TMEM132D: variants seen among roughly 807,000 people sequenced by gnomAD.
The protein encoded by TMEM132D is mature OL transmembrane protein.
TMEM132D carries 21 observed loss-of-function variants against 62.3 expected under a neutral mutation model. The ratio of observed to expected loss-of-function variants is 0.34; its 90% CI spans 0.24 to 0.49. The LOEUF (loss-of-function observed/expected upper bound fraction) is 0.49, where lower values mean the gene tolerates loss of function less well. TMEM132D is among the 20% of genes least tolerant of loss of function. The pLI, the probability that TMEM132D is intolerant of heterozygous loss-of-function variation, is 0.99. For missense variants in TMEM132D, 1,346 were observed against 1,402.8 expected, an observed-to-expected ratio of 0.96 and a Z score of 0.65; for synonymous variants, 621 against 575.6, an observed-to-expected ratio of 1.08 and a Z score of -1.13.
At chr12:129,501,698 G>A (rs1256240612) in intron 3 of TMEM132D, among the ~76,000 whole-genome samples, 1 of 151,878 alleles carries the variant, frequency 6.6e-6, no homozygotes, top group Non-Finnish European at 1.5e-5. Context: ...TAGAGATGGG[G>A]TTTTACCATG....
chr12:129,136,794 A>AT, intron 5 of TMEM132D, among the ~76,000 whole-genome samples: 1 of 95,820 alleles, frequency 1.0e-5, no homozygotes, highest in African/African-American at 4.6e-5. Flanking sequence ...CATCACCATC[A>AT]CCATCATCAC....
At chr12:129,513,923 C>T (rs534251364) in intron 3 of TMEM132D, among the ~76,000 whole-genome samples, 12 of 151,148 alleles carry the variant, frequency 7.9e-5, no homozygotes, top group East Asian at 3.9e-4. Flanking sequence ...CTGCAAGCTC[C>T]GCCTCCCGGG....
At chr12:129,619,867 T>G (rs155720) in intron 2 of TMEM132D, among the ~76,000 whole-genome samples, 1,994 of 152,326 alleles carry the variant, frequency 0.013, 50 homozygotes, top group African/African-American at 0.046. Flanking sequence ...ATTTTGCAAT[T>G]GAGTGTATTA....
At chr12:129,263,378 C>T (rs1475855320) in intron 4 of TMEM132D, among the ~76,000 whole-genome samples, 2 of 152,096 alleles carry the variant, frequency 1.3e-5, no homozygotes, top group Admixed American at 1.3e-4. Flanking sequence ...GCTTACTTCA[C>T]CAAATGCTAT....
chr12:129,648,138 C>T (rs547750833), intron 2 of TMEM132D, among the ~76,000 whole-genome samples: 22 of 152,226 alleles, frequency 1.4e-4, no homozygotes, highest in African/African-American at 4.6e-4. Flanking sequence ...CCTTCCCAAT[C>T]GCTCCTATGG....
At chr12:129,589,568 C>A (rs1235265977) in intron 2 of TMEM132D, among the ~76,000 whole-genome samples, 2 of 152,060 alleles carry the variant, frequency 1.3e-5, no homozygotes, top group Admixed American at 6.5e-5. Flanking sequence ...CCCGTGTAGA[C>A]CCCCACACAT....
chr12:129,106,886 G>A (rs1875519019), intron 5 of TMEM132D, among the ~76,000 whole-genome samples: 1 of 152,178 alleles, frequency 6.6e-6, no homozygotes, highest in Non-Finnish European at 1.5e-5. Flanking sequence ...TCACTGCATG[G>A]GGAATGCCTG....
At chr12:129,551,333 G>A (rs1876888874) in intron 2 of TMEM132D, among the ~76,000 whole-genome samples, 1 of 152,248 alleles carries the variant, frequency 6.6e-6, no homozygotes, top group South Asian at 2.1e-4. Flanking sequence ...GTTCTGAAGT[G>A]AAACTGGAAA....
At chr12:129,178,837 T>G (rs1877981950) in intron 5 of TMEM132D, among the ~76,000 whole-genome samples, 1 of 152,218 alleles carries the variant, frequency 6.6e-6, no homozygotes, top group Non-Finnish European at 1.5e-5. Flanking sequence ...CTGCACTCCT[T>G]GAACCTGGGT....
At chr12:129,158,048 G>T (rs1877295721) in intron 5 of TMEM132D, among the ~76,000 whole-genome samples, 1 of 152,258 alleles carries the variant, frequency 6.6e-6, no homozygotes, top group East Asian at 1.9e-4. Flanking sequence ...GGTAGGTGAG[G>T]TTTATATTTT....
intron 1 of TMEM132D, among the ~76,000 whole-genome samples, chr12:129,736,942 C>G (rs557812503): frequency 6.6e-6 from 1 of 152,054 alleles, no homozygotes; most frequent in African/African-American, 2.4e-5. Flanking sequence ...CTCAGCCTCC[C>G]AAGTAGCTGG....
intron 5 of TMEM132D, among the ~76,000 whole-genome samples, chr12:129,142,507 G>A (rs950197522): frequency 1.3e-5 from 2 of 152,124 alleles, no homozygotes; most frequent in Non-Finnish European, 2.9e-5. Context: ...CATTTATGAA[G>A]ATCTGATATA....
intron 3 of TMEM132D, among the ~76,000 whole-genome samples, chr12:129,380,320 G>A (rs544164382): frequency 7.2e-5 from 11 of 152,050 alleles, no homozygotes; most frequent in Admixed American, 1.3e-4. Flanking sequence ...TAAAATGATC[G>A]ATACTCAAAG....
At chr12:129,893,514 A>G (rs113132278) in intron 1 of TMEM132D, among the ~76,000 whole-genome samples, 7 of 151,324 alleles carry the variant, frequency 4.6e-5, no homozygotes, top group African/African-American at 1.7e-4. Flanking sequence ...CCTTCTTTCA[A>G]AAGACAGACA....
At chr12:129,628,871 TCTC>T (rs1879286036) in intron 2 of TMEM132D, among the ~76,000 whole-genome samples, 1 of 152,036 alleles carries the variant, frequency 6.6e-6, no homozygotes, top group African/African-American at 2.4e-5. Flanking sequence ...TTCCTGTCCT[TCTC>T]CTACTCTGTC....
intron 1 of TMEM132D, among the ~76,000 whole-genome samples, chr12:129,818,293 TG>T (rs1191441496): frequency 7.0e-6 from 1 of 142,608 alleles, no homozygotes; most frequent in Non-Finnish European, 1.5e-5. Flanking sequence ...CGGTGTGGGG[TG>T]TGTGTGATGT....
At chr12:129,810,700 CTGAG>C (rs1872146844) in intron 1 of TMEM132D, among the ~76,000 whole-genome samples, 1 of 152,132 alleles carries the variant, frequency 6.6e-6, no homozygotes, top group South Asian at 2.1e-4. Flanking sequence ...AGTATCTTGA[CTGAG>C]TGGTATCATT....
At chr12:129,116,845 A>G (rs2135650849) in intron 5 of TMEM132D, among the ~76,000 whole-genome samples, 1 of 150,802 alleles carries the variant, frequency 6.6e-6, no homozygotes, top group Admixed American at 6.6e-5. Context: ...TTCTTACGAA[A>G]TTAAACATAT....
intron 1 of TMEM132D, among the ~76,000 whole-genome samples, chr12:129,703,697 G>T (rs1200790402): frequency 2.0e-5 from 3 of 152,104 alleles, no homozygotes; most frequent in Non-Finnish European, 4.4e-5. Context: ...TTTTGATTGG[G>T]TTCCGTGGCT....
Sources: gnomAD v4.1 joint callset for allele counts (sites outside exome capture counted in the v4.1 genomes callset) on GRCh38, gnomAD v4.1.1 for gene constraint, MANE v1.5 for transcripts, NCBI Gene and HGNC (gene_info 2026-07-23, HGNC 2026-07-21) for gene names.